The following RSRC1 variants were observed in gnomAD, a reference collection of about 807,000 sequenced individuals.
The protein encoded by RSRC1 is serine/Arginine-related protein 53.
In RSRC1, 39 loss-of-function variants were observed where a neutral mutation model predicts 49.1. That is an observed-to-expected ratio of 0.79 (90% CI 0.61 to 1.04). The LOEUF is 1.04. RSRC1 is among the 50% of genes least tolerant of loss of function. RSRC1 has a pLI of 0.00. For missense variants in RSRC1, 388 were observed against 402.4 expected, an observed-to-expected ratio of 0.96 and a Z score of 0.31; for synonymous variants, 143 against 130.8, an observed-to-expected ratio of 1.09 and a Z score of -0.63.
At chr3:158,308,301 C>A (rs1727948923) in intron 5 of RSRC1, among the ~76,000 whole-genome samples, 1 of 151,958 alleles carries the variant, frequency 6.6e-6, no homozygotes, top group African/African-American at 2.4e-5. Context: ...GAAAAGCTGA[C>A]AAGATTTCCA....
At chr3:158,172,741 TAGA>T (rs1398952511) in intron 3 of RSRC1, among the ~76,000 whole-genome samples, 1 of 152,202 alleles carries the variant, frequency 6.6e-6, no homozygotes, top group African/African-American at 2.4e-5. Context: ...TTTTTAATAT[TAGA>T]AGCGGCTAGT....
intron 5 of RSRC1, among the ~76,000 whole-genome samples, chr3:158,322,673 C>G (rs1169842309): frequency 6.6e-6 from 1 of 152,138 alleles, no homozygotes; most frequent in African/African-American, 2.4e-5. Context: ...ATTACTTCCT[C>G]AAGTATTTTT....
intron 6 of RSRC1, among the ~76,000 whole-genome samples, chr3:158,386,999 T>C (rs1469705354): frequency 6.6e-6 from 1 of 152,090 alleles, no homozygotes; most frequent in Non-Finnish European, 1.5e-5. Context: ...CATTTCTTGT[T>C]TTATATAACA....
chr3:158,281,927 A>G (rs1245730107), intron 4 of RSRC1, among the ~76,000 whole-genome samples: 2 of 152,198 alleles, frequency 1.3e-5, no homozygotes, highest in African/African-American at 2.4e-5. Flanking sequence ...TTCCAGGCCA[A>G]AATTCTATGT....
chr3:158,543,526 A>C, intron 9 of RSRC1, 39 bp downstream of exon 9: 4 of 1,557,084 alleles, frequency 2.6e-6, no homozygotes, highest in Non-Finnish European at 3.5e-6. Flanking sequence ...GTTGAAGTCT[A>C]ATTTACTGAA....
chr3:158,268,335 T>C (rs572879783), intron 4 of RSRC1, among the ~76,000 whole-genome samples: 1 of 152,282 alleles, frequency 6.6e-6, no homozygotes, highest in South Asian at 2.1e-4. Context: ...TCCCTGAAAA[T>C]TTCCCCTGAG....
At chr3:158,353,114 T>C (rs1730966585) in intron 5 of RSRC1, among the ~76,000 whole-genome samples, 1 of 152,198 alleles carries the variant, frequency 6.6e-6, no homozygotes, top group South Asian at 2.1e-4. Flanking sequence ...ACCAATTAAA[T>C]ATTTCTCAAA....
intron 6 of RSRC1, among the ~76,000 whole-genome samples, chr3:158,460,373 C>T (rs1476022171): frequency 6.6e-6 from 1 of 151,822 alleles, no homozygotes; most frequent in Non-Finnish European, 1.5e-5. Context: ...TTGAAAACCC[C>T]TGCAGTTGAG....
At chr3:158,162,067 C>T (rs1342141620) in intron 3 of RSRC1, among the ~76,000 whole-genome samples, 2 of 152,032 alleles carry the variant, frequency 1.3e-5, no homozygotes, top group Admixed American at 1.3e-4. Context: ...CTGAGCTCTG[C>T]CTATGGTGGG....
At chr3:158,130,049 C>T (rs944341515) in intron 3 of RSRC1, among the ~76,000 whole-genome samples, 1 of 152,174 alleles carries the variant, frequency 6.6e-6, no homozygotes, top group African/African-American at 2.4e-5. Flanking sequence ...TCTTACAGTT[C>T]TGGTGCCTGG....
At chr3:158,473,020 G>T (rs1324984227) in intron 7 of RSRC1, among the ~76,000 whole-genome samples, 16 of 152,304 alleles carry the variant, frequency 1.1e-4, no homozygotes, top group African/African-American at 3.4e-4. Context: ...AACAACAGGT[G>T]CTGGAGAGGA....
intron 6 of RSRC1, among the ~76,000 whole-genome samples, chr3:158,372,146 T>G (rs772519748): frequency 6.6e-6 from 1 of 151,908 alleles, no homozygotes; most frequent in African/African-American, 2.4e-5. Flanking sequence ...AATGGTGTCT[T>G]TTGAAGAGCA....
At chr3:158,412,610 T>C (rs979528089) in intron 6 of RSRC1, among the ~76,000 whole-genome samples, 1 of 152,138 alleles carries the variant, frequency 6.6e-6, no homozygotes, top group Non-Finnish European at 1.5e-5. Context: ...AGTCAGTACA[T>C]GGTAAGCACC....
intron 3 of RSRC1, among the ~76,000 whole-genome samples, chr3:158,128,607 C>A (rs1250434751): frequency 6.6e-6 from 1 of 152,128 alleles, no homozygotes; most frequent in Non-Finnish European, 1.5e-5. Flanking sequence ...TATCACCTCA[C>A]CTGGTACAGT....
intron 7 of RSRC1, among the ~76,000 whole-genome samples, chr3:158,482,777 A>G (rs1432463113): frequency 1.3e-5 from 2 of 151,984 alleles, no homozygotes; most frequent in East Asian, 3.8e-4. Flanking sequence ...TTCCCAACCC[A>G]TGAAAAAATG....
intron 6 of RSRC1, among the ~76,000 whole-genome samples, chr3:158,441,043 A>G (rs934890652): frequency 6.6e-6 from 1 of 152,154 alleles, no homozygotes; most frequent in African/African-American, 2.4e-5. Context: ...AATCGTACAT[A>G]AGCATTCAGC....
intron 7 of RSRC1, among the ~76,000 whole-genome samples, chr3:158,480,132 C>T (rs1738549561): frequency 6.6e-6 from 1 of 151,854 alleles, no homozygotes; most frequent in Non-Finnish European, 1.5e-5. Context: ...GGTTTTATTC[C>T]CCTTAAAAAT....
chr3:158,410,968 G>A (rs954888076), intron 6 of RSRC1, among the ~76,000 whole-genome samples: 1 of 152,052 alleles, frequency 6.6e-6, no homozygotes. Context: ...ATTATGTTGA[G>A]CACTTTCTTG....
intron 6 of RSRC1, among the ~76,000 whole-genome samples, chr3:158,418,683 CCT>C (rs1036240820): frequency 2.4e-4 from 36 of 152,040 alleles, no homozygotes; most frequent in African/African-American, 7.9e-4. Context: ...GCTGCACCTG[CCT>C]CAGGACAAGA....
Sources: allele counts gnomAD v4.1 joint callset (sites outside exome capture counted in the v4.1 genomes callset), GRCh38; gene constraint gnomAD v4.1.1; transcripts MANE v1.5; gene names NCBI Gene and HGNC (gene_info 2026-07-23, HGNC 2026-07-21).